Variants in KIF3A observed in about 807,000 individuals in gnomAD.
KIF3A encodes kinesin family member 3A, also known as kinesin-like protein KIF3A.
Under a neutral mutation model 92.6 loss-of-function variants are expected in KIF3A, and 27 were observed. The observed-to-expected ratio is 0.29, with a 90% CI of 0.21 to 0.40. KIF3A has a LOEUF of 0.40. Ranked by LOEUF, KIF3A falls within the 10% of genes least tolerant of loss-of-function variation. The pLI is 1.00. For synonymous variants in KIF3A, 250 were observed against 275.4 expected (o/e 0.91, Z 0.92); for missense variants, 581 against 872.6 (o/e 0.67, Z 4.21).
At chr5:132,722,288 A>C (rs984789246) in intron 4 of KIF3A, among the ~76,000 whole-genome samples, 2 of 152,242 alleles carry the variant, frequency 1.3e-5, no homozygotes, top group African/African-American at 4.8e-5. Flanking sequence ...CAAATGTGTG[A>C]AAGTTAAAAA....
chr5:132,734,313 G>A lies in KIF3A; in HGVS notation c.172C>T (p.Pro58Ser), dbSNP rs763111970. 17 of 1,613,966 alleles carry A rather than the reference G, an allele frequency of 1.1e-5. No individual in the cohort carries two copies. Among genetic ancestry groups the A allele is most frequent in the Non-Finnish European group, 1.4e-5 (16 of 1,179,994 alleles). Residue 58 changes from proline (P) to serine (S), a missense_variant, in exon 2 of 19, where the codon CCA (proline) becomes TCA (serine). By Grantham distance (74) the Pro-to-Ser change is moderately conservative. Transcript: ENST00000403231. ...ACAGTATCAAAAGTAAATGTCTTTG[G>A]AGGTTCATTGGAAGAATCAGTCTTA... The part of the protein sequence containing the change: ...VHKTDSSNEP[P>S]KTFTFDTVFG...
At chr5:132,705,432 C>T (rs1222310199) in intron 11 of KIF3A, among the ~76,000 whole-genome samples, 5 of 151,920 alleles carry the variant, frequency 3.3e-5, no homozygotes, top group Non-Finnish European at 1.5e-5. Context: ...TATGTACAGG[C>T]TTCAAGGGTT....
intron 4 of KIF3A, among the ~76,000 whole-genome samples, chr5:132,724,442 A>C (rs1001603979): frequency 6.6e-6 from 1 of 152,100 alleles, no homozygotes; most frequent in Non-Finnish European, 1.5e-5. Context: ...GCACATATAC[A>C]CCATGGAATA....
intron 10 of KIF3A, among the ~76,000 whole-genome samples, chr5:132,708,268 C>T (rs1187433664): frequency 8.6e-6 from 1 of 116,778 alleles, no homozygotes; most frequent in African/African-American, 3.4e-5. Context: ...GGCAAAAGAG[C>T]AAGACTCCGT....
At position 132,696,586 on chromosome 5, in the gene KIF3A, G is replaced by A. The variant is rs1169617417; in HGVS notation, c.*48C>T. On this transcript the variant is annotated 3_prime_UTR_variant, in exon 19 of 19. Transcript: ENST00000403231. ...CTGTTTTAATTAAAGATTTTGTCCA[G>A]GCATGAGAATATCACTAATTTTTAT... 1 of 1,154,338 alleles carries A rather than the reference G, an allele frequency of 8.7e-7. No homozygotes were observed. The highest frequency in any genetic ancestry group is 1.3e-6 in the Non-Finnish European group (1 of 769,476). 71.5% of individuals were successfully genotyped at this position (1,154,338 alleles called of 1,614,324 possible). A position where few individuals can be genotyped will look rare whatever the true frequency, so the allele number is the denominator to read the frequency against.
At chr5:132,709,189 G>C (rs1753329649) in intron 9 of KIF3A, among the ~76,000 whole-genome samples, 1 of 152,174 alleles carries the variant, frequency 6.6e-6, no homozygotes, top group South Asian at 2.1e-4. Flanking sequence ...AGAGGAATTA[G>C]AAAGTGTACT....
intron 1 of KIF3A, 93 bp from the exon 2 acceptor site, chr5:132,734,571 A>G: frequency 3.6e-6 from 4 of 1,120,314 alleles, no homozygotes; most frequent in Non-Finnish European, 3.7e-6. Context: ...TACTTTTCCA[A>G]CTCAGTGCCT....
intron 1 of KIF3A, among the ~76,000 whole-genome samples, chr5:132,736,604 G>A (rs529798581): frequency 6.6e-6 from 1 of 152,332 alleles, no homozygotes; most frequent in East Asian, 1.9e-4. Context: ...TGAAAGCAGT[G>A]AACAGAACAA....
chr5:132,734,376 C>G lies in KIF3A; in HGVS notation c.109G>C (p.Val37Leu), dbSNP rs1332824982. ...REKSMCYKQA[V>L]SVDEMRGTIT... ...GTTCCCCTCATCTCATCCACACTGA[C>G]AGCCTGTTTGTAGCACATTGATTTC... The change falls in exon 2 of 19, where the codon GTC (valine) becomes CTC (leucine). Residue 37 changes from valine to leucine, a missense_variant. Coordinates refer to ENST00000403231, the MANE Select transcript of KIF3A (RefSeq NM_001300791.2). The G allele has an allele frequency of 6.2e-7, 1 of 1,614,146 alleles. No individual in the cohort carries two copies. Among genetic ancestry groups the G allele is most frequent in the South Asian group, 1.1e-5 (1 of 91,074 alleles).
intron 9 of KIF3A, 123 bp downstream of exon 9, chr5:132,710,836 A>T (rs1753396022): frequency 3.0e-6 from 4 of 1,314,328 alleles, no homozygotes; most frequent in Middle Eastern, 1.9e-4. Flanking sequence ...TAAATGGCAT[A>T]CATCTTCTGT....
At chr5:132,700,398 G>T in intron 16 of KIF3A, 114 bp from the exon 17 acceptor site, 1 of 739,322 alleles carries the variant, frequency 1.4e-6, no homozygotes, top group Non-Finnish European at 2.3e-6. Context: ...TGATTTGAAT[G>T]CTAGAGCAGA....
At chr5:132,732,483 T>A (rs1251141989) in intron 2 of KIF3A, among the ~76,000 whole-genome samples, 1 of 152,128 alleles carries the variant, frequency 6.6e-6, no homozygotes, top group Non-Finnish European at 1.5e-5. Flanking sequence ...ACATAAAAAA[T>A]AATGAATTGC....
At chr5:132,720,747 A>G (rs774230106) in intron 4 of KIF3A, 33 bp from the exon 5 acceptor site, 13 of 1,191,062 alleles carry the variant, frequency 1.1e-5, no homozygotes, top group Non-Finnish European at 8.6e-6. Context: ...TACTATATCA[A>G]TAACTCTTCC....
chr5:132,716,174 G>A (rs958960069), intron 7 of KIF3A, 71 bp downstream of exon 7: 54 of 1,250,108 alleles, frequency 4.3e-5, no homozygotes, highest in Non-Finnish European at 5.7e-5. Context: ...AATGTGATAC[G>A]TATCAATTAT....
chr5:132,702,436 G>A (rs1753071641), intron 14 of KIF3A, 122 bp downstream of exon 14: 1 of 686,074 alleles, frequency 1.5e-6, no homozygotes, highest in African/African-American at 1.8e-5. Flanking sequence ...TGCACATAAA[G>A]AAATATTTTA....
chr5:132,734,226 A>C lies in KIF3A; in HGVS notation c.259T>G (p.Ser87Ala), dbSNP rs1754320900. Residue 87 changes from serine to alanine, a missense_variant, in exon 2 of 19, where the codon TCT becomes GCT. By Grantham distance (99) the Ser-to-Ala change is moderately conservative (BLOSUM62 1). Coordinates refer to ENST00000403231, the MANE Select transcript of KIF3A (RefSeq NM_001300791.2). Reference sequence around the variant, plus strand: ...TTACCATTGTAGCCTTCAAGTACAGAATCAATAATAGGTCTTGCAGTTAAG... The same window carrying C: ...TTACCATTGTAGCCTTCAAGTACAGCATCAATAATAGGTCTTGCAGTTAAG... ...YNLTARPIID[S>A]VLEGYNGTIF... 1 of 1,613,182 alleles carries C rather than the reference A, an allele frequency of 6.2e-7. No homozygotes were observed. The highest frequency in any genetic ancestry group is 8.5e-7 in the Non-Finnish European group (1 of 1,179,630).
chr5:132,706,332 G>A, intron 11 of KIF3A, 119 bp downstream of exon 11: 1 of 566,080 alleles, frequency 1.8e-6, no homozygotes, highest in Non-Finnish European at 2.8e-6. Context: ...AAATACAAAA[G>A]ATAGATACTT....
intron 8 of KIF3A, among the ~76,000 whole-genome samples, chr5:132,711,895 A>G (rs1753439612): frequency 2.0e-5 from 3 of 152,230 alleles, no homozygotes; most frequent in African/African-American, 7.2e-5. Flanking sequence ...AAAGATAAAA[A>G]ACAAAAAAGG....
chr5:132,721,544 C>A (rs1753824486), intron 4 of KIF3A: 2 of 152,146 alleles, frequency 1.3e-5, no homozygotes, highest in Non-Finnish European at 2.9e-5. Context: ...ATCTGATAAA[C>A]AATTCCAGGG....
Sources: gnomAD v4.1 joint callset for allele counts (sites outside exome capture counted in the v4.1 genomes callset) on GRCh38, gnomAD v4.1.1 for gene constraint, MANE v1.5 for transcripts, NCBI Gene and HGNC (gene_info 2026-07-23, HGNC 2026-07-21) for gene names.